The following SSH2 variants were observed in gnomAD, a reference collection of about 807,000 sequenced individuals.
SSH2 encodes the protein protein phosphatase Slingshot homolog 2.
A neutral mutation model predicts 135.2 loss-of-function variants in SSH2; 37 were observed. The observed-to-expected ratio is 0.27, with a 90% CI of 0.21 to 0.36. SSH2 has a LOEUF of 0.36. SSH2 is among the 10% of genes least tolerant of loss of function. The pLI, the probability that SSH2 is intolerant of heterozygous loss-of-function variation, is 1.00. For missense variants in SSH2, 1,408 were observed against 1,765.3 expected (o/e 0.80, Z 3.63); for synonymous variants, 628 against 646.2 (o/e 0.97, Z 0.43).
chr17:29,859,906 GC>G (rs1388595581), intron 1 of SSH2, among the ~76,000 whole-genome samples: 10 of 152,090 alleles, frequency 6.6e-5, no homozygotes, highest in Admixed American at 5.9e-4. Context: ...GAGTGCAATG[GC>G]ACGACCTTGG....
chr17:29,786,368 C>G (rs969581558), intron 3 of SSH2, among the ~76,000 whole-genome samples: 1 of 152,126 alleles, frequency 6.6e-6, no homozygotes, highest in African/African-American at 2.4e-5. Context: ...CTTTGTGAAA[C>G]CTGGGATTCA....
intron 1 of SSH2, chr17:29,928,357 C>G (rs1047784761): frequency 5.1e-6 from 2 of 394,372 alleles, no homozygotes; most frequent in African/African-American, 4.1e-5. Context: ...CTTTGAAGTA[C>G]AAGTATTCTC....
At chr17:29,834,795 A>G (rs911816226) in intron 2 of SSH2, among the ~76,000 whole-genome samples, 22 of 152,148 alleles carry the variant, frequency 1.4e-4, no homozygotes, top group Admixed American at 1.3e-4. Flanking sequence ...CATTCATTTA[A>G]TATTAATTAT....
At chr17:29,912,671 T>C (rs1048096975) in intron 1 of SSH2, among the ~76,000 whole-genome samples, 3 of 152,102 alleles carry the variant, frequency 2.0e-5, no homozygotes, top group African/African-American at 7.2e-5. Context: ...TTGAAGGCTG[T>C]AGTGAGCTAC....
At chr17:29,882,667 G>T (rs375135158) in intron 1 of SSH2, among the ~76,000 whole-genome samples, 12 of 152,112 alleles carry the variant, frequency 7.9e-5, no homozygotes, top group Non-Finnish European at 1.6e-4. Context: ...CAGGAGAATC[G>T]CTTGAACCCG....
At position 29,629,058 on chromosome 17, in the gene SSH2, T is replaced by C. The variant is rs992981087; in HGVS notation, c.*1783A>G. 2 of 152,272 alleles carry C rather than the reference T, an allele frequency of 1.3e-5. No individual in the cohort carries two copies. Among genetic ancestry groups the C allele is most frequent in the African/African-American group, 4.8e-5 (2 of 41,460 alleles). 9.4% of individuals were successfully genotyped at this position (152,272 alleles called of 1,614,324 possible). A position where few individuals can be genotyped will look rare whatever the true frequency, so the allele number is the denominator to read the frequency against. ...TATACTCAGTCAATCCTCAGTAACGTGGACATCAACGAAAGCAAATCTGCA... is the reference window on the plus strand; with the variant it reads ...TATACTCAGTCAATCCTCAGTAACGCGGACATCAACGAAAGCAAATCTGCA... On this transcript the variant is annotated 3_prime_UTR_variant, in exon 16 of 16. Transcript: ENST00000540801.
chr17:29,902,225 G>GT, intron 1 of SSH2, among the ~76,000 whole-genome samples: 1 of 152,234 alleles, frequency 6.6e-6, no homozygotes, highest in East Asian at 1.9e-4. Flanking sequence ...TTAATATGCT[G>GT]TAAGGTCTCT....
At chr17:29,904,689 T>C (rs932943200) in intron 1 of SSH2, among the ~76,000 whole-genome samples, 4 of 152,268 alleles carry the variant, frequency 2.6e-5, no homozygotes, top group South Asian at 4.1e-4. Context: ...GGTATTCAAA[T>C]AGGAAGACAG....
intron 11 of SSH2, among the ~76,000 whole-genome samples, chr17:29,656,142 A>G (rs1360493721): frequency 6.6e-6 from 1 of 152,250 alleles, no homozygotes; most frequent in Non-Finnish European, 1.5e-5. Context: ...CAAAAGCAGC[A>G]TTATTATGCA....
chr17:29,847,638 A>G (rs567774442), intron 2 of SSH2, among the ~76,000 whole-genome samples: 4 of 152,204 alleles, frequency 2.6e-5, no homozygotes, highest in Non-Finnish European at 5.9e-5. Context: ...TAATAAGGCA[A>G]GAGTCCAGCA....
At chr17:29,806,183 TTTG>T (rs1403359797) in intron 2 of SSH2, among the ~76,000 whole-genome samples, 1 of 152,198 alleles carries the variant, frequency 6.6e-6, no homozygotes, top group East Asian at 1.9e-4. Context: ...CATTCTCTTG[TTTG>T]CCAGAACCAG....
At chr17:29,643,794 G>A (rs991882590) in intron 14 of SSH2, among the ~76,000 whole-genome samples, 5 of 152,114 alleles carry the variant, frequency 3.3e-5, no homozygotes, top group Admixed American at 1.3e-4. Flanking sequence ...GTGCCCGGCT[G>A]TGAATATGTT....
At chr17:29,899,634 A>G (rs568843257) in intron 1 of SSH2, among the ~76,000 whole-genome samples, 18 of 152,358 alleles carry the variant, frequency 1.2e-4, no homozygotes, top group Middle Eastern at 3.4e-3. Context: ...AAAAGAGGAT[A>G]CAAACAAATG....
intron 3 of SSH2, among the ~76,000 whole-genome samples, chr17:29,789,630 C>G (rs996854770): frequency 1.3e-5 from 2 of 152,092 alleles, no homozygotes; most frequent in Non-Finnish European, 2.9e-5. Context: ...AGGCTAGGAC[C>G]ACTGGCAAGC....
At chr17:29,883,993 T>G (rs1483403614) in intron 1 of SSH2, among the ~76,000 whole-genome samples, 1 of 152,178 alleles carries the variant, frequency 6.6e-6, no homozygotes, top group South Asian at 2.1e-4. Flanking sequence ...CATATATATA[T>G]GATGAGTGAG....
intron 2 of SSH2, among the ~76,000 whole-genome samples, chr17:29,813,154 G>A (rs1376953579): frequency 3.9e-5 from 6 of 152,068 alleles, no homozygotes; most frequent in Admixed American, 2.0e-4. Flanking sequence ...AGGCTGAGGC[G>A]GGTGGATCAC....
chr17:29,773,725 T>C (rs1054535330), intron 3 of SSH2, among the ~76,000 whole-genome samples: 2 of 152,246 alleles, frequency 1.3e-5, no homozygotes, highest in Non-Finnish European at 2.9e-5. Context: ...TTGCTCAGGC[T>C]GGAGTGCAAT....
chr17:29,777,241 A>G (rs1253700985), intron 3 of SSH2, among the ~76,000 whole-genome samples: 3 of 152,166 alleles, frequency 2.0e-5, no homozygotes, highest in African/African-American at 7.2e-5. Context: ...AAAAATTTTA[A>G]ATTCATTATG....
chr17:29,683,319 A>G (rs1433131764), intron 6 of SSH2, among the ~76,000 whole-genome samples: 1 of 152,226 alleles, frequency 6.6e-6, no homozygotes, highest in Non-Finnish European at 1.5e-5. Context: ...GGAAAGCAAC[A>G]AACCTTAAGG....
Sources: allele counts gnomAD v4.1 joint callset (sites outside exome capture counted in the v4.1 genomes callset), GRCh38; gene constraint gnomAD v4.1.1; transcripts MANE v1.5; gene names NCBI Gene and HGNC (gene_info 2026-07-23, HGNC 2026-07-21).